The following PRPF6 variants were observed in gnomAD, a reference collection of about 807,000 sequenced individuals.
The protein encoded by PRPF6 is pre-mRNA-processing factor 6.
A neutral mutation model predicts 118.3 loss-of-function variants in PRPF6; 42 were observed. The observed-to-expected ratio is 0.35, with a 90% confidence interval of 0.28 to 0.46. The LOEUF is 0.46. Among genes scored for constraint, PRPF6 ranks in the 20% least tolerant of loss-of-function variants. The probability of loss-of-function intolerance (pLI) is 1.00; values close to 1 mark genes in which losing one functional copy is unlikely to be tolerated. For synonymous variants in PRPF6, 481 were observed against 485.1 expected (o/e 0.99, Z 0.11); for missense variants, 662 against 1,255.7 (o/e 0.53, Z 7.15).
At chr20:63,999,234 C>A in intron 7 of PRPF6, 95 bp downstream of exon 7, 1 of 1,015,738 alleles carries the variant, frequency 9.8e-7, no homozygotes, top group Non-Finnish European at 1.5e-6. Flanking sequence ...CAAAATGGGA[C>A]ATGGCGGTTC....
intron 9 of PRPF6, among the ~76,000 whole-genome samples, chr20:64,006,347 T>C (rs4809389): frequency 0.79 from 115,658 of 146,130 alleles, 46,110 homozygotes; most frequent in East Asian, 0.96. Context: ...GACTGAGTCT[T>C]GCTCTGTTGC....
intron 6 of PRPF6, among the ~76,000 whole-genome samples, chr20:63,997,298 T>C (rs2059144818): frequency 6.7e-6 from 1 of 148,888 alleles, no homozygotes; most frequent in Admixed American, 6.7e-5. Context: ...CTTTTTTTTT[T>C]TTTTTTTTTT....
At chr20:64,017,555 A>G (rs2059244745) in intron 12 of PRPF6, among the ~76,000 whole-genome samples, 1 of 148,248 alleles carries the variant, frequency 6.7e-6, no homozygotes, top group Non-Finnish European at 1.5e-5. Context: ...CCGGCCTCCC[A>G]CGGTGCTGGG....
intron 9 of PRPF6, among the ~76,000 whole-genome samples, chr20:64,004,923 C>T (rs1389205995): frequency 1.3e-5 from 2 of 152,200 alleles, no homozygotes; most frequent in East Asian, 1.9e-4. Context: ...CAGTGGCCGT[C>T]GCCAGCGTGT....
intron 14 of PRPF6, among the ~76,000 whole-genome samples, 159 bp from the exon 15 acceptor site, chr20:64,025,780 G>A (rs987654778): frequency 3.3e-5 from 5 of 152,212 alleles, no homozygotes; most frequent in African/African-American, 1.2e-4. Context: ...CACTGGAGTC[G>A]GCTCTGTCAT....
chr20:64,021,261 A>T lies in PRPF6; in HGVS notation c.1648-1496A>T, dbSNP rs921240640. ...TGTGTGTGCGTGTGTGCGTGCACGT[A>T]TGCCTATGCCTTGGCCACAGCCCCG... On this transcript the variant is annotated intron_variant, in intron 12 of 20. Transcript: ENST00000266079. Among the ~76,000 whole-genome samples the T allele has an allele frequency of 1.4e-4, 20 of 142,442 alleles. 1 individual carries two copies. Among genetic ancestry groups the T allele is most frequent in the Admixed American group, 2.8e-4 (4 of 14,454 alleles). 93.4% of individuals were successfully genotyped at this position (142,442 alleles called of 152,430 possible).
At chr20:64,007,136 C>T (rs766557213) in intron 9 of PRPF6, among the ~76,000 whole-genome samples, 1 of 152,250 alleles carries the variant, frequency 6.6e-6, no homozygotes, top group Non-Finnish European at 1.5e-5. Flanking sequence ...ACCTGCCTTC[C>T]TTCCACACCA....
In PRPF6 at chr20:64,028,178, C is replaced by G. The variant is rs1388262586; in HGVS notation, c.2340-300C>G. ...AGGCACTGCCGCAGACAGGCAGCTT[C>G]TGGGTGCCTTGTGCGGCCCTGGCTC... On this transcript the variant is annotated intron_variant, in intron 17 of 20. Transcript: ENST00000266079. The surrounding 1 kb of genome is among the most constrained non-coding windows in gnomAD (Gnocchi z 6.5). Among the ~76,000 whole-genome samples, 3 of 152,210 alleles carry G rather than the reference C, an allele frequency of 2.0e-5. No homozygotes were observed. The highest frequency in any genetic ancestry group is 7.2e-5 in the African/African-American group (3 of 41,456).
At chr20:63,983,635 A>G (rs1183022428) in intron 2 of PRPF6, among the ~76,000 whole-genome samples, 2 of 134,506 alleles carry the variant, frequency 1.5e-5, no homozygotes, top group Non-Finnish European at 3.1e-5. Context: ...CTGCCTTGGC[A>G]TTTCCTATTG....
chr20:64,011,326 C>T lies in PRPF6; in HGVS notation c.1347C>T (p.Ala449=). The T allele has an allele frequency of 1.2e-6, 2 of 1,614,192 alleles. No homozygotes were observed. Among genetic ancestry groups the T allele is most frequent in the Non-Finnish European group, 1.7e-6 (2 of 1,180,048 alleles). The part of the protein sequence containing the change: ...ALARLETYEN[A]RKVLNKAREN... ...CAAGGCTGGAGACCTATGAAAATGC[C>T]CGCAAGGTCTTGAACAAGGCGCGGG... The change falls in exon 11 of 21, where the codon GCC becomes GCT. Residue 449 remains alanine, a synonymous_variant. Transcript: ENST00000266079. The surrounding 1 kb of genome is among the most constrained non-coding windows in gnomAD (Gnocchi z 6.7).
chr20:63,986,434 A>G (rs1441968804), intron 3 of PRPF6, among the ~76,000 whole-genome samples: 1 of 152,048 alleles, frequency 6.6e-6, no homozygotes, highest in Admixed American at 6.6e-5. Context: ...AACATATGCA[A>G]ATTAATCAGT....
At chr20:64,019,871 C>T (rs756893372) in intron 12 of PRPF6, among the ~76,000 whole-genome samples, 18 of 152,324 alleles carry the variant, frequency 1.2e-4, no homozygotes, top group Middle Eastern at 6.8e-3. Flanking sequence ...CCCCACTCCT[C>T]GTCCTCCTGA....
Position 64,033,064 on chromosome 20 carries a change from C to T in PRPF6, c.*71C>T, listed in dbSNP as rs903653456. 1 of 1,595,598 alleles carries T rather than the reference C, an allele frequency of 6.3e-7. No homozygotes were observed. Among genetic ancestry groups the T allele is most frequent in the Non-Finnish European group, 8.6e-7 (1 of 1,168,436 alleles). ...CATGTGGAAGGGCTCTGAGCTGTGT[C>T]CTCCTTCATTAAAAGTTTTTATGTC... On this transcript the variant is annotated 3_prime_UTR_variant, in exon 21 of 21. Transcript: ENST00000266079.
chr20:63,982,914 C>A, intron 1 of PRPF6, 133 bp from the exon 2 acceptor site: 1 of 1,086,342 alleles, frequency 9.2e-7, no homozygotes, highest in Non-Finnish European at 1.3e-6. Flanking sequence ...GACTGCAGTT[C>A]ATTGTCACCA....
At chr20:63,992,121 C>T (rs557385444) in intron 3 of PRPF6, among the ~76,000 whole-genome samples, 27 of 152,028 alleles carry the variant, frequency 1.8e-4, no homozygotes, top group African/African-American at 6.3e-4. Flanking sequence ...TTTTGTTTTG[C>T]GACAAGGTCT....
chr20:63,989,760 AC>A (rs2059110463), intron 3 of PRPF6, among the ~76,000 whole-genome samples: 1 of 151,324 alleles, frequency 6.6e-6, no homozygotes, highest in South Asian at 2.1e-4. Flanking sequence ...TGCTCCATCC[AC>A]CTCGGCCTCC....
chr20:63,999,232 G>A, intron 7 of PRPF6, 93 bp downstream of exon 7: 1 of 1,038,392 alleles, frequency 9.6e-7, no homozygotes, highest in East Asian at 2.4e-5. Context: ...GTCAAAATGG[G>A]ACATGGCGGT....
intron 6 of PRPF6, among the ~76,000 whole-genome samples, chr20:63,998,384 C>A (rs187453375): frequency 6.6e-6 from 1 of 151,608 alleles, no homozygotes; most frequent in Non-Finnish European, 1.5e-5. Flanking sequence ...TGAGCCACCA[C>A]GCCTGGTCAA....
intron 3 of PRPF6, among the ~76,000 whole-genome samples, chr20:63,986,099 C>T (rs978774010): frequency 1.4e-4 from 22 of 151,896 alleles, no homozygotes; most frequent in Admixed American, 1.4e-3. Flanking sequence ...TTTGGGAGGC[C>T]GAGGTGGGCG....
Sources: gnomAD v4.1 joint callset for allele counts (sites outside exome capture counted in the v4.1 genomes callset) on GRCh38, gnomAD v4.1.1 for gene constraint, Gnocchi (gnomAD v3.1) non-coding constraint, MANE v1.5 for transcripts, NCBI Gene and HGNC (gene_info 2026-07-23, HGNC 2026-07-21) for gene names.